The following SOX6 variants were observed in gnomAD, a reference collection of about 807,000 sequenced individuals.
The protein encoded by SOX6 is transcription factor SOX-6.
A neutral mutation model predicts 97.8 loss-of-function variants in SOX6; 11 were observed. The observed-to-expected ratio is 0.11, with a 90% CI of 0.07 to 0.19. The LOEUF (loss-of-function observed/expected upper bound fraction) is 0.19, where lower values mean the gene tolerates loss of function less well. Among genes scored for constraint, SOX6 ranks in the 10% least tolerant of loss-of-function variants. SOX6 has a pLI of 1.00. For synonymous variants in SOX6, 360 were observed against 371.4 expected, an observed-to-expected ratio of 0.97 and a Z score of 0.35; for missense variants, 810 against 1,039.5, an observed-to-expected ratio of 0.78 and a Z score of 3.04.
chr11:16,452,012 A>AAATAAATAAATAAATT (rs1554968282), intron 1 of SOX6, among the ~76,000 whole-genome samples: 5 of 142,204 alleles, frequency 3.5e-5, no homozygotes, highest in African/African-American at 1.3e-4. Flanking sequence ...ATAAATAAAT[A>AAATAAATAAATAAATT]AAATAAAATT....
At chr11:16,188,570 T>C (rs1381134708) in intron 4 of SOX6, among the ~76,000 whole-genome samples, 1 of 152,190 alleles carries the variant, frequency 6.6e-6, no homozygotes, top group East Asian at 1.9e-4. Context: ...GTTCAACTAA[T>C]GTATTTGTTA....
intron 2 of SOX6, among the ~76,000 whole-genome samples, chr11:16,734,960 C>T (rs936640162): frequency 7.2e-5 from 11 of 152,068 alleles, no homozygotes; most frequent in Admixed American, 4.6e-4. Flanking sequence ...ATCAGAATAT[C>T]GACCTTATTC....
chr11:16,038,437 A>T (rs1157765706), intron 12 of SOX6, among the ~76,000 whole-genome samples: 1 of 152,194 alleles, frequency 6.6e-6, no homozygotes, highest in African/African-American at 2.4e-5. Flanking sequence ...GAAAGAAAAA[A>T]AGAAGGGAAG....
Position 16,104,713 on chromosome 11 carries a change from C to T in SOX6, c.899-7025G>A, listed in dbSNP as rs189897202. On this transcript the variant is annotated intron_variant, in intron 7 of 15. Coordinates refer to ENST00000683767, the MANE Select transcript of SOX6 (RefSeq NM_001367873.1). ...GAAAACAAATGGTGCTCAATAAATG[C>T]TAACTAAAACAAAGAAATTAAAAAG... Among the ~76,000 whole-genome samples the T allele has an allele frequency of 6.8e-4, 103 of 151,784 alleles. 1 individual carries two copies. Among genetic ancestry groups the T allele is most frequent in the South Asian group, 4.0e-3 (19 of 4,810 alleles).
At chr11:16,520,674 G>T (rs576182935) in intron 4 of SOX6, among the ~76,000 whole-genome samples, 6 of 152,234 alleles carry the variant, frequency 3.9e-5, no homozygotes, top group African/African-American at 1.4e-4. Context: ...GCAGGGCGAG[G>T]CATGGCCTCA....
chr11:16,283,355 A>T (rs1483881740), intron 3 of SOX6, among the ~76,000 whole-genome samples: 1 of 151,146 alleles, frequency 6.6e-6, no homozygotes, highest in African/African-American at 2.4e-5. Flanking sequence ...TATATATCAA[A>T]AACATTGCAT....
At chr11:16,335,780 A>G (rs1456478868) in intron 2 of SOX6, among the ~76,000 whole-genome samples, 1 of 152,164 alleles carries the variant, frequency 6.6e-6, no homozygotes, top group African/African-American at 2.4e-5. Flanking sequence ...AGTGAAAAAC[A>G]CAAAACACTC....
chr11:16,319,787 G>A (rs375275103), intron 2 of SOX6, among the ~76,000 whole-genome samples: 1 of 151,572 alleles, frequency 6.6e-6, no homozygotes, highest in Admixed American at 6.6e-5. Context: ...ATTGTGAATA[G>A]TGCCGCAATA....
chr11:16,484,698 C>A (rs1860400492), intron 4 of SOX6: 2 of 592,042 alleles, frequency 3.4e-6, no homozygotes, highest in South Asian at 3.7e-5. Flanking sequence ...AGACTCCCAC[C>A]CAGAACCGTG....
intron 3 of SOX6, among the ~76,000 whole-genome samples, chr11:16,633,630 T>C (rs1240787616): frequency 6.6e-6 from 1 of 152,134 alleles, no homozygotes; most frequent in East Asian, 1.9e-4. Context: ...AAAACTTCAA[T>C]AGAAAGCACA....
At chr11:16,406,995 C>T (rs190666441) in intron 1 of SOX6, among the ~76,000 whole-genome samples, 1 of 152,154 alleles carries the variant, frequency 6.6e-6, no homozygotes, top group East Asian at 1.9e-4. Flanking sequence ...TAAAATGTGA[C>T]CTATACAAGT....
At chr11:16,183,779 A>G in intron 6 of SOX6, 107 bp downstream of exon 6, 1 of 940,296 alleles carries the variant, frequency 1.1e-6, no homozygotes, top group South Asian at 1.3e-5. Flanking sequence ...AAACAGCCTT[A>G]TTGGTGCTGT....
At chr11:16,250,934 A>T (rs1459752312) in intron 3 of SOX6, among the ~76,000 whole-genome samples, 2 of 152,180 alleles carry the variant, frequency 1.3e-5, no homozygotes, top group African/African-American at 2.4e-5. Flanking sequence ...AATCAAGTCT[A>T]AACAAATTTT....
intron 2 of SOX6, among the ~76,000 whole-genome samples, chr11:16,717,902 T>A (rs1848230070): frequency 6.6e-6 from 1 of 151,714 alleles, no homozygotes; most frequent in Non-Finnish European, 1.5e-5. Context: ...GGCTCAGAAA[T>A]GTAAAATAAG....
At chr11:16,421,164 AT>A (rs1428496777) in intron 1 of SOX6, among the ~76,000 whole-genome samples, 15 of 152,190 alleles carry the variant, frequency 9.9e-5, no homozygotes, top group African/African-American at 3.4e-4. Context: ...ACAATTGTAC[AT>A]ATTTATAAGT....
chr11:16,186,853 T>G lies in SOX6; in HGVS notation c.638A>C (p.Lys213Thr). ...CTCAATTTGTGACGCTGCCAGTTTT[T>G]TCTGTTCATCATGCGCTGCCAGTAG... Reference protein sequence around the residue: ...EQLLAAHDEQKKLAASQIEKQ... With the variant: ...EQLLAAHDEQTKLAASQIEKQ... Residue 213 changes from lysine to threonine, a missense_variant, in exon 5 of 16, where the codon AAA becomes ACA. By Grantham distance (78) the Lys-to-Thr change is moderately conservative. Coordinates refer to ENST00000683767, the MANE Select transcript of SOX6 (RefSeq NM_001367873.1). 6.2e-7 allele frequency: 1 copy of G among 1,613,850 alleles called. No homozygotes were observed. Among genetic ancestry groups the G allele is most frequent in the Non-Finnish European group, 8.5e-7 (1 of 1,179,844 alleles).
intron 3 of SOX6, among the ~76,000 whole-genome samples, chr11:16,235,172 A>G (rs1565037849): frequency 6.6e-6 from 1 of 152,080 alleles, no homozygotes; most frequent in Non-Finnish European, 1.5e-5. Context: ...ATCCAATTAA[A>G]GCAAAACAAG....
At chr11:16,520,092 GAT>G (rs1474029498) in intron 4 of SOX6, among the ~76,000 whole-genome samples, 1 of 152,042 alleles carries the variant, frequency 6.6e-6, no homozygotes, top group African/African-American at 2.4e-5. Context: ...ATAGATTCTG[GAT>G]ATGTTTTTTG....
intron 1 of SOX6, among the ~76,000 whole-genome samples, chr11:16,391,989 T>C (rs934109580): frequency 1.3e-5 from 2 of 152,000 alleles, no homozygotes; most frequent in African/African-American, 4.8e-5. Flanking sequence ...AATACAACAA[T>C]GGTACATATA....
Sources: allele counts gnomAD v4.1 joint callset (sites outside exome capture counted in the v4.1 genomes callset), GRCh38; gene constraint gnomAD v4.1.1; transcripts MANE v1.5; gene names NCBI Gene and HGNC (gene_info 2026-07-23, HGNC 2026-07-21).